KIAA0586: variants seen among roughly 807,000 people sequenced by gnomAD.
KIAA0586 encodes KIAA0586.
Under a neutral mutation model 169.8 loss-of-function variants are expected in KIAA0586, and 144 were observed. The observed-to-expected ratio is 0.85, with a 90% CI of 0.74 to 0.97. KIAA0586 has a LOEUF of 0.97. KIAA0586 is among the 50% of genes least tolerant of loss of function. KIAA0586 has a pLI of 0.00. For missense variants in KIAA0586, 1,854 were observed against 1,823.0 expected (o/e 1.02, Z -0.31); for synonymous variants, 625 against 612.4 (o/e 1.02, Z -0.30).
intron 18 of KIAA0586, among the ~76,000 whole-genome samples, chr14:58,473,297 A>G (rs1403620988): frequency 2.6e-5 from 4 of 152,166 alleles, no homozygotes; most frequent in Non-Finnish European, 5.9e-5. Context: ...ATGAGACAAG[A>G]TTGACCATAA....
chr14:58,508,672 A>G lies in KIAA0586; in HGVS notation c.4286A>G (p.Asp1429Gly), dbSNP rs548063080. The G allele has an allele frequency of 1.1e-5, 17 of 1,593,268 alleles. No individual in the cohort carries two copies. In the South Asian group the frequency reaches 1.3e-4, roughly 12 times the overall value. Residue 1429 changes from aspartate to glycine, a missense_variant, in exon 28 of 31, where the codon GAT (aspartate) becomes GGT (glycine). Physicochemically the swap from Asp to Gly is moderately conservative, Grantham distance 94. Transcript: ENST00000652326. ...PTTLLTAQEN[D>G]VNLPVAAEDF... Reference sequence around the variant, plus strand: ...ACACTTCTGACAGCACAAGAAAATGATGTTAATTTACCAGTAGCCGCTGAA... The same window carrying G: ...ACACTTCTGACAGCACAAGAAAATGGTGTTAATTTACCAGTAGCCGCTGAA...
rs762075723 is a variant in KIAA0586, at chr14:58,448,319, A to T, written c.808-21A>T. The T allele has an allele frequency of 2.1e-6, 3 of 1,444,516 alleles. No individual in the cohort carries two copies. In the South Asian group the frequency reaches 3.8e-5, roughly 18 times the overall value. 89.5% of individuals were successfully genotyped at this position (1,444,516 alleles called of 1,614,324 possible). A position where few individuals can be genotyped will look rare whatever the true frequency, so the allele number is the denominator to read the frequency against. On this transcript the variant is annotated intron_variant, in intron 6 of 30. Transcript: ENST00000652326. ...TTTCAAATGATATTTGAAAATAATAAAATAATCTTATTTCTTCTAGACTCA... is the reference window on the plus strand; with the variant it reads ...TTTCAAATGATATTTGAAAATAATATAATAATCTTATTTCTTCTAGACTCA...
intron 29 of KIAA0586, chr14:58,521,893 A>T (rs1033078437): frequency 2.3e-6 from 3 of 1,300,306 alleles, no homozygotes; most frequent in African/African-American, 2.9e-5. Context: ...GACAATGAAG[A>T]TGGGGGATGA....
intron 13 of KIAA0586, among the ~76,000 whole-genome samples, chr14:58,460,484 AT>A (rs2040236256): frequency 6.6e-6 from 1 of 151,990 alleles, no homozygotes; most frequent in South Asian, 2.1e-4. Context: ...TATGGAGGAA[AT>A]TTTTTTGACT....
chr14:58,487,754 T>C, intron 22 of KIAA0586, 133 bp from the exon 23 acceptor site: 1 of 613,824 alleles, frequency 1.6e-6, no homozygotes, highest in South Asian at 2.1e-5. Flanking sequence ...ATTGTCATTA[T>C]TATTATTAAT....
chr14:58,547,110 C>CT (rs1465050062), intron 30 of KIAA0586, among the ~76,000 whole-genome samples: 1 of 151,142 alleles, frequency 6.6e-6, no homozygotes, highest in African/African-American at 2.4e-5. Context: ...CCTTGGCAAC[C>CT]TTTGACTTCA....
In KIAA0586 at chr14:58,482,606, T is replaced by C. The variant is rs375690080; in HGVS notation, c.3038T>C (p.Leu1013Pro). Residue 1013 changes from leucine to proline, a missense_variant, in exon 21 of 31, where the codon CTT becomes CCT. Coordinates refer to ENST00000652326, the MANE Select transcript of KIAA0586 (RefSeq NM_001329943.3). ...ATTAAACATTTTGTTAACGAAGCTC[T>C]TGCTGAGACCATTGCTGTCATGCTG... ...NVIKHFVNEA[L>P]AETIAVMLGD... is the part of the protein sequence containing the mutation. 12 of 1,608,750 alleles carry C rather than the reference T, an allele frequency of 7.5e-6. No homozygotes were observed. The African/African-American group carries it at 1.2e-4, about 16-fold the overall frequency.
chr14:58,559,963 T>C, the KIAA0586 span, among the ~76,000 whole-genome samples: 5 of 152,020 alleles, frequency 3.3e-5, no homozygotes, highest in Non-Finnish European at 5.9e-5. Flanking sequence ...CCAGCCTGAC[T>C]AACATGGTGA....
chr14:58,559,163 A>G, the KIAA0586 span, among the ~76,000 whole-genome samples: 1 of 152,160 alleles, frequency 6.6e-6, no homozygotes, highest in African/African-American at 2.4e-5. Flanking sequence ...TTTCCACTGG[A>G]TTCCTTGGAT....
chr14:58,459,818 T>G lies in KIAA0586; in HGVS notation c.1657-25T>G, dbSNP rs987709326. ...CATTACTATTTGTAGACATTTTAAG[T>G]AATTTTAACTTTGGTTATGTTAAGG... On this transcript the variant is annotated intron_variant, in intron 12 of 30. Transcript: ENST00000652326. 1.3e-5 allele frequency: 16 copies of G among 1,268,678 alleles called. No homozygotes were observed. The African/African-American group carries it at 2.4e-4, about 19-fold the overall frequency. 78.6% of individuals were successfully genotyped at this position (1,268,678 alleles called of 1,614,324 possible). A position where few individuals can be genotyped will look rare whatever the true frequency, so the allele number is the denominator to read the frequency against.
rs369143869 is a variant in KIAA0586 at position 58,442,871 on chromosome 14, G to T, written c.576G>T (p.Pro192=). The stretch of plus-strand genomic sequence containing the variant: ...CTGCTGCCATTGCAACCGCAGCTCC[G>T]TTGATAAAGGTATATTTTTCTTCCC... ...ATAAAIATAA[P]LIKVQSDLEA... Residue 192 remains proline, a synonymous_variant, in exon 5 of 31, where the codon CCG becomes CCT. Coordinates refer to ENST00000652326, the MANE Select transcript of KIAA0586 (RefSeq NM_001329943.3). 1.2e-6 allele frequency: 2 copies of T among 1,600,788 alleles called. No homozygotes were observed. The highest frequency in any genetic ancestry group is 2.7e-5 in the African/African-American group (2 of 74,544).
At chr14:58,492,861 A>T (rs2042920055) in intron 26 of KIAA0586, among the ~76,000 whole-genome samples, 1 of 152,236 alleles carries the variant, frequency 6.6e-6, no homozygotes, top group South Asian at 2.1e-4. Flanking sequence ...ACAGCCAAGA[A>T]ATATTAAAGC....
In KIAA0586 at chr14:58,547,797, A is replaced by G. The variant is rs1476732636; in HGVS notation, c.4512A>G (p.Pro1504=). The change falls in exon 31 of 31, where the codon CCA becomes CCG. Residue 1504 remains proline (P), a synonymous_variant. Coordinates refer to ENST00000652326, the MANE Select transcript of KIAA0586 (RefSeq NM_001329943.3). ...TTTGTGCAGGTGGGAAAGCAGTGCC[A>G]CTCTCCGCTTCACAGATGCCCCCTG... is the stretch of plus-strand genomic sequence containing the variant. The part of the protein sequence containing the change: ...TCVFSGGKAV[P]LSASQMPPAK... The G allele has an allele frequency of 1.9e-6, 3 of 1,613,138 alleles. No individual in the cohort carries two copies. The Admixed American group carries it at 5.0e-5, about 27-fold the overall frequency.
At position 58,549,083 on chromosome 14, in the gene KIAA0586, C is replaced by G. The variant is rs895819313; in HGVS notation, c.*1151C>G. ...AGTACTGTATAGTAGAGGGCATAAG[C>G]ACATGAAAAGAAAGGCAGCCTAGCA... On this transcript the variant is annotated 3_prime_UTR_variant, in exon 31 of 31. Transcript: ENST00000652326. The G allele has an allele frequency of 1.3e-5, 2 of 151,978 alleles. No homozygotes were observed. The highest frequency in any genetic ancestry group is 2.9e-5 in the Non-Finnish European group (2 of 67,980). The allele number at this position is 151,978 out of a possible 1,614,324, so 9.4% of individuals were successfully genotyped here. A position where few individuals can be genotyped will look rare whatever the true frequency, so the allele number is the denominator to read the frequency against.
chr14:58,537,031 G>T (rs1476013087), intron 29 of KIAA0586: 10 of 1,271,310 alleles, frequency 7.9e-6, no homozygotes, highest in Non-Finnish European at 9.2e-6. Context: ...ATAAAGAATT[G>T]TAAGAACTGA....
At position 58,457,810 on chromosome 14, in the gene KIAA0586, G is replaced by T. The variant is rs779792778; in HGVS notation, c.1414G>T (p.Val472Phe). Residue 472 changes from valine to phenylalanine, a missense_variant, in exon 11 of 31, where the codon GTT becomes TTT. By Grantham distance (50) the Val-to-Phe change is conservative (BLOSUM62 -1). Coordinates refer to ENST00000652326, the MANE Select transcript of KIAA0586 (RefSeq NM_001329943.3). Reference protein sequence around the residue: ...LKLPDLPQNSVKLQTTNTTRS... With the variant: ...LKLPDLPQNSFKLQTTNTTRS... ...GCTTCCAGATCTTCCACAGAATTCTGTTAAGCTTCAAACAACCAATACAAC... is the reference window on the plus strand; with the variant it reads ...GCTTCCAGATCTTCCACAGAATTCTTTTAAGCTTCAAACAACCAATACAAC... The T allele has an allele frequency of 2.5e-6, 4 of 1,607,974 alleles. No homozygotes were observed. The South Asian group carries it at 3.3e-5, about 13-fold the overall frequency.
In KIAA0586 at chr14:58,461,036, A is replaced by G. The variant is rs1464458760; in HGVS notation, c.1935A>G (p.Gln645=). The G allele has an allele frequency of 1.2e-6, 2 of 1,612,358 alleles. No homozygotes were observed. The highest frequency in any genetic ancestry group is 2.2e-5 in the South Asian group (2 of 90,830). Residue 645 remains glutamine, a synonymous_variant, in exon 14 of 31, where the codon CAA becomes CAG. Transcript: ENST00000652326. The stretch of plus-strand genomic sequence containing the variant: ...TACAAGATGAAGATTATATGTTACA[A>G]GTCTATGGAAAGCCAGTTTATCAGG... ...TVIQDEDYML[Q]VYGKPVYQGH... is the part of the protein sequence containing the mutation.
At chr14:58,488,164 T>C (rs1230898266) in intron 23 of KIAA0586, 55 bp downstream of exon 23, 7 of 1,289,698 alleles carry the variant, frequency 5.4e-6, no homozygotes, top group East Asian at 2.5e-5. Flanking sequence ...GTTTGACTTA[T>C]GTGATCCATT....
chr14:58,507,769 C>CATTTATTT (rs34225443), intron 27 of KIAA0586, among the ~76,000 whole-genome samples: 173 of 149,652 alleles, frequency 1.2e-3, no homozygotes, highest in East Asian at 0.011. Flanking sequence ...ACTGAGGTGC[C>CATTTATTT]ATTTATTTAT....
Sources: allele counts gnomAD v4.1 joint callset (sites outside exome capture counted in the v4.1 genomes callset), GRCh38; gene constraint gnomAD v4.1.1; transcripts MANE v1.5; gene names NCBI Gene and HGNC (gene_info 2026-07-23, HGNC 2026-07-21).